The following SLC6A3 variants were observed in gnomAD, a reference collection of about 807,000 sequenced individuals.
The protein encoded by SLC6A3 is solute carrier family 6 member 3.
In SLC6A3, 19 loss-of-function variants were observed where a neutral mutation model predicts 70.4. The ratio of observed to expected loss-of-function variants is 0.27; its 90% confidence interval spans 0.19 to 0.40. SLC6A3 has a LOEUF of 0.40. SLC6A3 is among the 10% of genes least tolerant of loss of function. The probability of loss-of-function intolerance (pLI) is 1.00; values close to 1 mark genes in which losing one functional copy is unlikely to be tolerated. For missense variants in SLC6A3, 613 were observed against 838.5 expected (o/e 0.73, Z 3.32); for synonymous variants, 368 against 356.6 (o/e 1.03, Z -0.36).
At chr5:1,399,642 G>T (rs539929238) in intron 14 of SLC6A3, among the ~76,000 whole-genome samples, 6 of 152,320 alleles carry the variant, frequency 3.9e-5, no homozygotes, top group Admixed American at 1.3e-4. Flanking sequence ...AGTGGGGAGG[G>T]GCTGGCATCC....
In SLC6A3 at chr5:1,406,943, C is replaced by T. The variant is rs1755996398; in HGVS notation, c.1499-655G>A. Among the ~76,000 whole-genome samples the T allele has an allele frequency of 6.6e-6, 1 of 152,184 alleles. No homozygotes were observed. Among genetic ancestry groups the T allele is most frequent in the African/African-American group, 2.4e-5 (1 of 41,454 alleles). ...ACTCCCTGTAGAGTGTCCCTGAGGC[C>T]ACCTAAGCTGCGGCCCACATCAGCA... On this transcript the variant is annotated intron_variant, in intron 11 of 14. Coordinates refer to ENST00000270349, the MANE Select transcript of SLC6A3 (RefSeq NM_001044.5). This position sits in a 1 kb window ranked among gnomAD's most constrained non-coding sequence, Gnocchi z 8.8.
chr5:1,394,837 T>C lies in SLC6A3; in HGVS notation c.1840-79A>G, dbSNP rs1348151198. ...GCAGCTGAAGGTGGCTAAGAGCAGC[T>C]GAAGGCAGTGAGCAGACAGTTTGCA... On this transcript the variant is annotated intron_variant, in intron 14 of 14. Coordinates refer to ENST00000270349, the MANE Select transcript of SLC6A3 (RefSeq NM_001044.5). This position sits in a 1 kb window ranked among gnomAD's most constrained non-coding sequence, Gnocchi z 4.7. The C allele has an allele frequency of 7.3e-6, 11 of 1,500,202 alleles. No homozygotes were observed. In the East Asian group the frequency reaches 2.5e-4, roughly 34 times the overall value. 92.9% of individuals were successfully genotyped at this position (1,500,202 alleles called of 1,614,324 possible). A position where few individuals can be genotyped will look rare whatever the true frequency, so the allele number is the denominator to read the frequency against.
chr5:1,426,937 G>A (rs904674208), intron 4 of SLC6A3, among the ~76,000 whole-genome samples: 4 of 152,212 alleles, frequency 2.6e-5, no homozygotes, highest in African/African-American at 7.2e-5. Context: ...GGTGGTAAAA[G>A]CAATGCTATG....
chr5:1,411,169 TG>T lies in SLC6A3; in HGVS notation c.1269+73del. 9.5e-7 allele frequency: 1 copy of T among 1,055,548 alleles called. No individual in the cohort carries two copies. The highest frequency in any genetic ancestry group is 1.4e-6 in the Non-Finnish European group (1 of 698,756). The allele number at this position is 1,055,548 out of a possible 1,614,324, so 65.4% of individuals were successfully genotyped here. A position where few individuals can be genotyped will look rare whatever the true frequency, so the allele number is the denominator to read the frequency against. Reference sequence around the variant, plus strand: ...TGAGCCCAGGGATCTTGCCTAGCCCTGGGAGGGCAGGGCCCCCTCGGGTGGA... The same window carrying T: ...TGAGCCCAGGGATCTTGCCTAGCCCTGGAGGGCAGGGCCCCCTCGGGTGGA... On this transcript the variant is annotated intron_variant, in intron 9 of 14. Coordinates refer to ENST00000270349, the MANE Select transcript of SLC6A3 (RefSeq NM_001044.5). This position sits in a 1 kb window ranked among gnomAD's most constrained non-coding sequence, Gnocchi z 6.5.
At chr5:1,428,805 G>T (rs1446915213) in intron 4 of SLC6A3, among the ~76,000 whole-genome samples, 1 of 152,194 alleles carries the variant, frequency 6.6e-6, no homozygotes, top group Non-Finnish European at 1.5e-5. Flanking sequence ...CTGACTTAGG[G>T]CCCAGAAGAC....
At position 1,396,712 on chromosome 5, in the gene SLC6A3, G is replaced by A. The variant is rs1040507032; in HGVS notation, c.1840-1954C>T. Among the ~76,000 whole-genome samples, 16 of 152,182 alleles carry A rather than the reference G, an allele frequency of 1.1e-4. No homozygotes were observed. The highest frequency in any genetic ancestry group is 2.1e-4 in the Non-Finnish European group (14 of 68,028). ...GGAACCACCTCTGATGCCCACACAG[G>A]GCTGGGCACGGTGCCTGTTCCCCCA... On this transcript the variant is annotated intron_variant, in intron 14 of 14. Coordinates refer to ENST00000270349, the MANE Select transcript of SLC6A3 (RefSeq NM_001044.5). The surrounding 1 kb of genome is among the most constrained non-coding windows in gnomAD (Gnocchi z 7.0).
rs968234438 is a variant in SLC6A3 at position 1,402,729 on chromosome 5, C to T, written c.1767+193G>A. 1.4e-4 allele frequency among the ~76,000 whole-genome samples: 22 copies of T among 152,246 alleles called. No homozygotes were observed. Among genetic ancestry groups the T allele is most frequent in the South Asian group, 8.3e-4 (4 of 4,828 alleles). On this transcript the variant is annotated intron_variant, in intron 13 of 14. Coordinates refer to ENST00000270349, the MANE Select transcript of SLC6A3 (RefSeq NM_001044.5). The surrounding 1 kb of genome is among the most constrained non-coding windows in gnomAD (Gnocchi z 8.5). ...ACACACACATGAATACACATATGGA[C>T]GCACACCCATGGGCCCGGGCGTGCA...
In SLC6A3 at chr5:1,442,602, C is replaced by T. The variant is rs1348043958; in HGVS notation, c.286+310G>A. ...ACCTTTGAGAATTTTCTTTCCAAAG[C>T]GAAGATAGCCTCTGGAAACAGGAGG... On this transcript the variant is annotated intron_variant, in intron 2 of 14. Transcript: ENST00000270349. This position sits in a 1 kb window ranked among gnomAD's most constrained non-coding sequence, Gnocchi z 5.0. 6.6e-6 allele frequency among the ~76,000 whole-genome samples: 1 copy of T among 152,126 alleles called. No individual in the cohort carries two copies. The highest frequency in any genetic ancestry group is 2.4e-5 in the African/African-American group (1 of 41,424).
chr5:1,435,250 G>T (rs1383903103), intron 3 of SLC6A3, among the ~76,000 whole-genome samples: 5 of 152,224 alleles, frequency 3.3e-5, no homozygotes, highest in Non-Finnish European at 7.3e-5. Context: ...AGCCAGGTTG[G>T]GAGCCACACT....
At chr5:1,409,645 G>A (rs930883438) in intron 10 of SLC6A3, 76 bp downstream of exon 10, 5 of 1,570,170 alleles carry the variant, frequency 3.2e-6, no homozygotes, top group Non-Finnish European at 4.4e-6. Context: ...TGGCCTGACA[G>A]TCCCAGCCAG....
intron 2 of SLC6A3, 94 bp from the exon 3 acceptor site, chr5:1,441,584 G>T: frequency 7.0e-7 from 1 of 1,432,958 alleles, no homozygotes; most frequent in Non-Finnish European, 9.5e-7. Context: ...AACCATCCAT[G>T]TCCTGGCCCG....
rs117275738 is a variant in SLC6A3, at chr5:1,408,830, G to A, written c.1498+196C>T. Among the ~76,000 whole-genome samples the A allele has an allele frequency of 6.6e-6, 1 of 152,328 alleles. No homozygotes were observed. The highest frequency in any genetic ancestry group is 1.9e-4 in the East Asian group (1 of 5,188). On this transcript the variant is annotated intron_variant, in intron 11 of 14. Transcript: ENST00000270349. This position sits in a 1 kb window ranked among gnomAD's most constrained non-coding sequence, Gnocchi z 6.4. ...TGACCACAGTGTGCCTCTTCTGGCT[G>A]CCATCCAAGCTAAGCACCTCACTGA...
In SLC6A3 at chr5:1,411,072, GC is replaced by G. The variant is rs1756109767; in HGVS notation, c.1269+170del. ...TAAACTCCAGTCACCACTCACTCCA[GC>G]CCCGAGAAAGGTCTCCCAAATAATC... On this transcript the variant is annotated intron_variant, in intron 9 of 14. Coordinates refer to ENST00000270349, the MANE Select transcript of SLC6A3 (RefSeq NM_001044.5). The surrounding 1 kb of genome is among the most constrained non-coding windows in gnomAD (Gnocchi z 6.5). Among the ~76,000 whole-genome samples the G allele has an allele frequency of 6.6e-6, 1 of 152,134 alleles. No homozygotes were observed. The highest frequency in any genetic ancestry group is 2.1e-4 in the South Asian group (1 of 4,822).
At chr5:1,429,675 C>G (rs1442045849) in intron 4 of SLC6A3, among the ~76,000 whole-genome samples, 1 of 152,248 alleles carries the variant, frequency 6.6e-6, no homozygotes, top group African/African-American at 2.4e-5. Flanking sequence ...CACTTGGCAG[C>G]TTTAACAGGG....
rs139012144 is a variant in SLC6A3 at position 1,435,107 on chromosome 5, T to A, written c.419-2409A>T. On this transcript the variant is annotated intron_variant, in intron 3 of 14. Transcript: ENST00000270349. ...CATATTAAATAATTCTGTATTGCAG[T>A]CTGTCACGGATTGCCTTTGGAAGGC... Among the ~76,000 whole-genome samples the A allele has an allele frequency of 2.4e-3, 359 of 152,330 alleles. 1 individual carries two copies. The highest frequency in any genetic ancestry group is 2.6e-3 in the Non-Finnish European group (174 of 68,038).
rs1756418375 is a variant in SLC6A3 at position 1,420,813 on chromosome 5, G to A, written c.793-110C>T. On this transcript the variant is annotated intron_variant, in intron 5 of 14. Transcript: ENST00000270349. ...TGACGGCTTGTCCTCTGATTGGGAGGCCCAATTCCCAAACATTTCCTGGGA... is the reference window on the plus strand; with the variant it reads ...TGACGGCTTGTCCTCTGATTGGGAGACCCAATTCCCAAACATTTCCTGGGA... 5.2e-6 allele frequency: 6 copies of A among 1,158,744 alleles called. No homozygotes were observed. The Admixed American group carries it at 1.1e-4, about 21-fold the overall frequency. 71.8% of individuals were successfully genotyped at this position (1,158,744 alleles called of 1,614,324 possible).
intron 8 of SLC6A3, 74 bp downstream of exon 8, chr5:1,414,617 A>T: frequency 1.3e-6 from 2 of 1,558,102 alleles, no homozygotes; most frequent in Non-Finnish European, 1.7e-6. Context: ...CTCTTTCACA[A>T]GGAAAAAGGC....
At chr5:1,410,873 T>A (rs938774848) in intron 9 of SLC6A3, among the ~76,000 whole-genome samples, 14 of 151,790 alleles carry the variant, frequency 9.2e-5, no homozygotes, top group African/African-American at 3.1e-4. Flanking sequence ...CGTGTGTGCA[T>A]GTGTGTATGT....
intron 4 of SLC6A3, among the ~76,000 whole-genome samples, chr5:1,429,429 G>A (rs1199202073): frequency 6.6e-6 from 1 of 152,196 alleles, no homozygotes; most frequent in Admixed American, 6.5e-5. Context: ...TGAAGGGCTG[G>A]GCACCTTTCT....
Sources: allele counts gnomAD v4.1 joint callset (sites outside exome capture counted in the v4.1 genomes callset), GRCh38; gene constraint gnomAD v4.1.1; non-coding constraint Gnocchi (gnomAD v3.1); transcripts MANE v1.5; gene names NCBI Gene and HGNC (gene_info 2026-07-23, HGNC 2026-07-21).